NRG1: variants seen among roughly 807,000 people sequenced by gnomAD.
NRG1 encodes the protein neuregulin 1.
NRG1 carries 18 observed loss-of-function variants against 63.8 expected under a neutral mutation model. That is an observed-to-expected ratio of 0.28 (90% CI 0.19 to 0.42). The LOEUF is 0.42. Among genes scored for constraint, NRG1 ranks in the 10% least tolerant of loss-of-function variants. NRG1 has a pLI of 1.00. For synonymous variants in NRG1, 302 were observed against 301.3 expected, an observed-to-expected ratio of 1.00 and a Z score of -0.02; for missense variants, 762 against 814.7, an observed-to-expected ratio of 0.94 and a Z score of 0.79.
chr8:31,880,755 C>A (rs1002652393), intron 1 of NRG1, among the ~76,000 whole-genome samples: 1 of 152,182 alleles, frequency 6.6e-6, no homozygotes. Context: ...CACAATTATT[C>A]TCAGCATTTC....
chr8:32,385,131 T>C (rs1484136194), intron 1 of NRG1, among the ~76,000 whole-genome samples: 1 of 152,078 alleles, frequency 6.6e-6, no homozygotes, highest in Non-Finnish European at 1.5e-5. Context: ...GCCATTCTCC[T>C]GCCTCAGCCT....
intron 1 of NRG1, among the ~76,000 whole-genome samples, chr8:31,821,259 T>C (rs1823978253): frequency 6.6e-6 from 1 of 152,190 alleles, no homozygotes; most frequent in African/African-American, 2.4e-5. Context: ...AAGTTCCTCA[T>C]TCTGGTGTGA....
At chr8:31,934,667 A>G (rs2129620295) in intron 1 of NRG1, among the ~76,000 whole-genome samples, 1 of 152,186 alleles carries the variant, frequency 6.6e-6, no homozygotes, top group South Asian at 2.1e-4. Context: ...ACTTCTATGG[A>G]TAAATTACAC....
chr8:32,566,789 G>A (rs1424912438), intron 1 of NRG1, among the ~76,000 whole-genome samples: 1 of 152,210 alleles, frequency 6.6e-6, no homozygotes, highest in African/African-American at 2.4e-5. Context: ...TAATGCTTCA[G>A]AAACAATTTG....
intron 1 of NRG1, among the ~76,000 whole-genome samples, chr8:32,249,246 G>T (rs1453764981): frequency 6.6e-6 from 1 of 152,022 alleles, no homozygotes. Flanking sequence ...GAAATTGTAG[G>T]TGCATGCCAC....
chr8:31,874,987 A>C (rs1181703079), intron 1 of NRG1, among the ~76,000 whole-genome samples: 1 of 152,190 alleles, frequency 6.6e-6, no homozygotes, highest in African/African-American at 2.4e-5. Context: ...CATGCATAAA[A>C]ATGACAAGGT....
intron 1 of NRG1, among the ~76,000 whole-genome samples, chr8:32,087,383 A>G (rs1253722150): frequency 2.0e-5 from 3 of 152,054 alleles, no homozygotes; most frequent in African/African-American, 4.8e-5. Context: ...CTCACTAGAA[A>G]TAGATGCTGG....
At chr8:32,463,635 A>G (rs996152020) in intron 1 of NRG1, among the ~76,000 whole-genome samples, 1 of 151,958 alleles carries the variant, frequency 6.6e-6, no homozygotes, top group Non-Finnish European at 1.5e-5. Flanking sequence ...TTGAGCCAGG[A>G]GTTCGAGACC....
At chr8:31,838,871 T>C (rs1825925753) in intron 1 of NRG1, among the ~76,000 whole-genome samples, 1 of 152,170 alleles carries the variant, frequency 6.6e-6, no homozygotes, top group African/African-American at 2.4e-5. Context: ...CTTTGAAATT[T>C]GTATGCCTTT....
intron 7 of NRG1, among the ~76,000 whole-genome samples, chr8:32,744,054 T>C (rs2129042036): frequency 6.6e-6 from 1 of 152,064 alleles, no homozygotes; most frequent in South Asian, 2.1e-4. Context: ...CCCCGAAAAA[T>C]ATGTCACATA....
At chr8:32,589,752 G>C (rs1456707074) in intron 1 of NRG1, among the ~76,000 whole-genome samples, 1 of 152,156 alleles carries the variant, frequency 6.6e-6, no homozygotes, top group Non-Finnish European at 1.5e-5. Flanking sequence ...ATTCGATATA[G>C]CTGCACGAAT....
At chr8:32,772,982 G>A (rs1399275554) in intron 7 of NRG1, among the ~76,000 whole-genome samples, 1 of 151,976 alleles carries the variant, frequency 6.6e-6, no homozygotes, top group Non-Finnish European at 1.5e-5. Context: ...GCAAAACAAA[G>A]GCCTCCTTTA....
intron 1 of NRG1, among the ~76,000 whole-genome samples, chr8:31,739,859 G>A (rs1224292900): frequency 6.6e-6 from 1 of 151,918 alleles, no homozygotes; most frequent in Non-Finnish European, 1.5e-5. Flanking sequence ...AAAAGAGTTG[G>A]GATTGTATAA....
At chr8:32,699,243 A>C (rs893406008) in intron 5 of NRG1, among the ~76,000 whole-genome samples, 1 of 152,220 alleles carries the variant, frequency 6.6e-6, no homozygotes, top group Non-Finnish European at 1.5e-5. Context: ...TAACCATGCA[A>C]CTTTAACTCT....
At chr8:32,380,870 A>T (rs1449240333) in intron 1 of NRG1, among the ~76,000 whole-genome samples, 1 of 152,188 alleles carries the variant, frequency 6.6e-6, no homozygotes, top group Non-Finnish European at 1.5e-5. Flanking sequence ...TGTACTTGGG[A>T]TATCCATCAC....
chr8:32,192,100 C>T (rs927238553), intron 1 of NRG1: 1 of 152,320 alleles, frequency 6.6e-6, no homozygotes, highest in Admixed American at 6.6e-5. Flanking sequence ...GACCAGGCCT[C>T]ACACTGCTTA....
At chr8:32,748,720 T>G (rs1186277399) in intron 7 of NRG1, 1 of 456,152 alleles carries the variant, frequency 2.2e-6, no homozygotes, top group African/African-American at 2.0e-5. Flanking sequence ...CTCTGTGATT[T>G]AAAGGAGTAA....
At chr8:32,586,532 A>C (rs1356725210) in intron 1 of NRG1, among the ~76,000 whole-genome samples, 1 of 152,134 alleles carries the variant, frequency 6.6e-6, no homozygotes, top group African/African-American at 2.4e-5. Flanking sequence ...AGAACAAAAA[A>C]TTTACTGTAG....
chr8:32,632,451 A>G (rs188740545), intron 5 of NRG1, among the ~76,000 whole-genome samples: 5,111 of 150,614 alleles, frequency 0.034, 305 homozygotes, highest in African/African-American at 0.12. Context: ...CGGGAGGCTG[A>G]GGCAGGAGAA....
Sources: allele counts gnomAD v4.1 joint callset (sites outside exome capture counted in the v4.1 genomes callset), GRCh38; gene constraint gnomAD v4.1.1; transcripts MANE v1.5; gene names NCBI Gene and HGNC (gene_info 2026-07-23, HGNC 2026-07-21).